The following ADD3 variants were observed in gnomAD, a reference collection of about 807,000 sequenced individuals.
ADD3 encodes gamma-adducin.
A neutral mutation model predicts 80.2 loss-of-function variants in ADD3; 25 were observed. That is an observed-to-expected ratio of 0.31 (90% confidence interval 0.23 to 0.44). The LOEUF (loss-of-function observed/expected upper bound fraction) is 0.44, where lower values mean the gene tolerates loss of function less well. ADD3 is among the 20% of genes least tolerant of loss of function. The pLI is 1.00. For missense variants in ADD3, 829 were observed against 847.5 expected, an observed-to-expected ratio of 0.98 and a Z score of 0.27; for synonymous variants, 284 against 289.6, an observed-to-expected ratio of 0.98 and a Z score of 0.20.
At chr10:110,092,037 T>A (rs928926915) in intron 1 of ADD3, among the ~76,000 whole-genome samples, 2 of 152,206 alleles carry the variant, frequency 1.3e-5, no homozygotes, top group African/African-American at 4.8e-5. Flanking sequence ...CACAGGGAGA[T>A]ACCTTCTCAT....
chr10:110,007,346 T>A (rs1851722557), upstream of ADD3, among the ~76,000 whole-genome samples: 1 of 152,196 alleles, frequency 6.6e-6, no homozygotes, highest in Non-Finnish European at 1.5e-5. Context: ...CGAAGGCAGC[T>A]GTGCTGAGAG....
intron 1 of ADD3, 94 bp downstream of exon 1, chr10:110,008,393 T>C (rs7076609): frequency 0.25 from 38,115 of 152,538 alleles, 6,674 homozygotes; most frequent in African/African-American, 0.48. Flanking sequence ...GGGACGCTAC[T>C]GGGGGTCGCG....
At chr10:110,064,288 T>TG (rs1183362242) in intron 1 of ADD3, among the ~76,000 whole-genome samples, 1 of 152,206 alleles carries the variant, frequency 6.6e-6, no homozygotes, top group Non-Finnish European at 1.5e-5. Flanking sequence ...TTACAGGGCA[T>TG]GTGTGTCTCC....
chr10:110,000,468 C>G (rs1323108538), intron 1 of ADD3, among the ~76,000 whole-genome samples: 1 of 152,228 alleles, frequency 6.6e-6, no homozygotes, highest in East Asian at 1.9e-4. Flanking sequence ...CCCTTCCATT[C>G]ATTCGACGAG....
At chr10:110,126,060 G>T in intron 11 of ADD3, 115 bp downstream of exon 11, 1 of 1,105,648 alleles carries the variant, frequency 9.0e-7, no homozygotes, top group Non-Finnish European at 1.3e-6. Context: ...GAAGAATTTG[G>T]AATTTAATTC....
intron 1 of ADD3, among the ~76,000 whole-genome samples, chr10:110,086,341 T>TTC (rs1319958133): frequency 3.4e-5 from 5 of 147,598 alleles, no homozygotes; most frequent in Admixed American, 3.3e-4. Context: ...ACCCAGAAGG[T>TTC]AGAGGTTGCA....
At chr10:110,006,975 A>G (rs950470137), upstream of ADD3, among the ~76,000 whole-genome samples, 4 of 151,884 alleles carry the variant, frequency 2.6e-5, no homozygotes, top group Non-Finnish European at 5.9e-5. Flanking sequence ...CTGGTGCAGG[A>G]GGGACGTGGA....
chr10:110,035,439 G>C (rs143826614), intron 1 of ADD3, among the ~76,000 whole-genome samples: 1 of 152,314 alleles, frequency 6.6e-6, no homozygotes, highest in East Asian at 1.9e-4. Flanking sequence ...CTAATGATTA[G>C]AGTGATAACT....
At chr10:110,092,622 G>T (rs934892853) in intron 1 of ADD3, among the ~76,000 whole-genome samples, 3 of 152,090 alleles carry the variant, frequency 2.0e-5, no homozygotes, top group African/African-American at 7.2e-5. Context: ...CAGGTCCTCT[G>T]CTCACTTACT....
At chr10:110,091,176 A>G (rs985966996) in intron 1 of ADD3, among the ~76,000 whole-genome samples, 3 of 152,176 alleles carry the variant, frequency 2.0e-5, no homozygotes, top group Admixed American at 2.0e-4. Context: ...TATTGTGATC[A>G]TATAATATTT....
At chr10:110,024,507 T>G (rs1854053631) in intron 1 of ADD3, among the ~76,000 whole-genome samples, 1 of 152,214 alleles carries the variant, frequency 6.6e-6, no homozygotes, top group African/African-American at 2.4e-5. Flanking sequence ...GTTGACCATT[T>G]TTGTTTGTAG....
chr10:110,108,022 G>T (rs145033376), intron 2 of ADD3, among the ~76,000 whole-genome samples: 1,607 of 152,198 alleles, frequency 0.011, 13 homozygotes, highest in Non-Finnish European at 0.017. Context: ...TTTATGCCAT[G>T]GTTTTGTGTA....
intron 1 of ADD3, among the ~76,000 whole-genome samples, chr10:110,041,745 G>C (rs939627166): frequency 2.0e-5 from 3 of 152,144 alleles, no homozygotes; most frequent in African/African-American, 7.2e-5. Context: ...AAAGCAACTA[G>C]TTCAGAAATT....
At chr10:110,125,528 C>T (rs1271146048) in intron 10 of ADD3, among the ~76,000 whole-genome samples, 1 of 151,892 alleles carries the variant, frequency 6.6e-6, no homozygotes, top group African/African-American at 2.4e-5. Context: ...TGAGATCATG[C>T]TCTCTGTGCT....
chr10:110,038,065 G>A (rs1459358561), intron 1 of ADD3, among the ~76,000 whole-genome samples: 6 of 82,078 alleles, frequency 7.3e-5, no homozygotes, highest in South Asian at 3.8e-4. Flanking sequence ...GTAAAACTCC[G>A]TCTCAAAAAA....
chr10:110,031,998 C>G (rs1203621913), intron 1 of ADD3, among the ~76,000 whole-genome samples: 2 of 151,672 alleles, frequency 1.3e-5, no homozygotes, highest in Non-Finnish European at 2.9e-5. Flanking sequence ...CGGTATAGAT[C>G]AAGCCTATGA....
intron 1 of ADD3, among the ~76,000 whole-genome samples, chr10:109,999,466 G>C (rs1851442037): frequency 6.6e-6 from 1 of 152,112 alleles, no homozygotes; most frequent in Non-Finnish European, 1.5e-5. Context: ...TCTCCAGCAG[G>C]AATTGACCTC....
In ADD3 at chr10:110,034,278, T is replaced by C. The variant is rs76703882; in HGVS notation, c.-30+25979T>C. Among the ~76,000 whole-genome samples, 1,423 of 152,172 alleles carry C rather than the reference T, an allele frequency of 9.4e-3. 19 individuals are homozygous for C. Among genetic ancestry groups the C allele is most frequent in the African/African-American group, 0.029 (1,216 of 41,534 alleles). ...TTAAAAATCAGTATTCATAAGGTCA[T>C]TTTACATAGAAATGTTAATTTCTAT... On this transcript the variant is annotated intron_variant, in intron 1 of 14. Coordinates refer to ENST00000356080, the MANE Select transcript of ADD3 (RefSeq NM_016824.5).
chr10:110,127,539 C>A (rs1300759778), intron 12 of ADD3, among the ~76,000 whole-genome samples: 2 of 152,204 alleles, frequency 1.3e-5, no homozygotes, highest in Non-Finnish European at 2.9e-5. Context: ...ATCACTCGAA[C>A]CCGGGAGGCA....
Sources: gnomAD v4.1 joint callset for allele counts (sites outside exome capture counted in the v4.1 genomes callset) on GRCh38, gnomAD v4.1.1 for gene constraint, MANE v1.5 for transcripts, NCBI Gene and HGNC (gene_info 2026-07-23, HGNC 2026-07-21) for gene names.